Variants in ANKRD17 observed in about 807,000 individuals in gnomAD.
ANKRD17 encodes ankyrin repeat domain 17, also known as ankyrin repeat domain-containing protein 17.
In ANKRD17, 19 loss-of-function variants were observed where a neutral mutation model predicts 229.7. That is an observed-to-expected ratio of 0.08 (90% CI 0.06 to 0.12). The LOEUF is 0.12. Ranked by LOEUF, ANKRD17 falls within the 10% of genes least tolerant of loss-of-function variation. The pLI, the probability that ANKRD17 is intolerant of heterozygous loss-of-function variation, is 1.00. For synonymous variants in ANKRD17, 1,112 were observed against 1,146.1 expected (o/e 0.97, Z 0.60); for missense variants, 2,176 against 3,176.8 (o/e 0.68, Z 7.57).
intron 1 of ANKRD17, among the ~76,000 whole-genome samples, chr4:73,184,392 T>G (rs979434065): frequency 6.6e-6 from 1 of 151,408 alleles, no homozygotes; most frequent in Non-Finnish European, 1.5e-5. Context: ...AGCCAGGTGT[T>G]GTGGCAGGTG....
At chr4:73,258,145 G>C (rs1745643845) in intron 1 of ANKRD17, 131 bp downstream of exon 1, 1 of 1,483,990 alleles carries the variant, frequency 6.7e-7, no homozygotes, top group Non-Finnish European at 9.0e-7. Context: ...GGGAAGAAAG[G>C]GGGCAGTCGA....
At chr4:73,094,380 C>T (rs533582032) in intron 27 of ANKRD17, 152 bp from the exon 28 acceptor site, 9 of 694,622 alleles carry the variant, frequency 1.3e-5, no homozygotes, top group Non-Finnish European at 2.1e-5. Context: ...TCTAGATGAA[C>T]AGAGAAAAGG....
In ANKRD17 at chr4:73,077,212, T is replaced by C. The variant is rs1027922013; in HGVS notation, c.7588-108A>G. On this transcript the variant is annotated intron_variant, in intron 32 of 33. Transcript: ENST00000358602. ...TTGAAAGTTCACCTCATCCTGGGAA[T>C]GTGTAACTTATCTAAGAAATCTAAA... The C allele has an allele frequency of 7.4e-6, 10 of 1,343,396 alleles. No individual in the cohort carries two copies. The East Asian group carries it at 2.3e-4, about 31-fold the overall frequency. The allele number at this position is 1,343,396 out of a possible 1,614,324, so 83.2% of individuals were successfully genotyped here. A position where few individuals can be genotyped will look rare whatever the true frequency, so the allele number is the denominator to read the frequency against.
At chr4:73,221,978 G>A (rs537147396) in intron 1 of ANKRD17, among the ~76,000 whole-genome samples, 1 of 152,142 alleles carries the variant, frequency 6.6e-6, no homozygotes, top group Admixed American at 6.5e-5. Context: ...ACCCCGCCTA[G>A]CTTCCCTTTG....
chr4:73,076,260 T>A lies in ANKRD17; in HGVS notation c.7783A>T (p.Asn2595Tyr). The change falls in exon 34 of 34, where the codon AAC (asparagine) becomes TAC (tyrosine). Residue 2595 changes from asparagine to tyrosine, a missense_variant. Asn to Tyr is a moderately radical substitution (Grantham distance 143). Coordinates refer to ENST00000358602, the MANE Select transcript of ANKRD17 (RefSeq NM_032217.5). ...VWTGPWAPHM[N>Y]SVHMNQLG The stretch of plus-strand genomic sequence containing the variant: ...CCAAGCTGGTTCATATGCACACTGT[T>A]CATGTGAGGTGCCCAGGGTCCAGTC... 3 of 1,611,860 alleles carry A rather than the reference T, an allele frequency of 1.9e-6. No homozygotes were observed. Among genetic ancestry groups the A allele is most frequent in the Non-Finnish European group, 2.5e-6 (3 of 1,178,938 alleles).
chr4:73,130,676 C>T (rs764205837), intron 16 of ANKRD17, among the ~76,000 whole-genome samples: 2 of 150,322 alleles, frequency 1.3e-5, no homozygotes, highest in Non-Finnish European at 3.0e-5. Flanking sequence ...AAGACTTCAG[C>T]GGCCTCAGAA....
At chr4:73,114,162 G>A (rs1184995345) in intron 23 of ANKRD17, among the ~76,000 whole-genome samples, 1 of 152,136 alleles carries the variant, frequency 6.6e-6, no homozygotes, top group Non-Finnish European at 1.5e-5. Context: ...AGAAACTAAA[G>A]TCATTTATCC....
rs1470037041 is a variant in ANKRD17 at position 73,155,688 on chromosome 4, T to C, written c.943A>G (p.Lys315Glu). The part of the protein sequence containing the change: ...LMAAANGGHV[K>E]IVKLLLAHKA... ...TGAGCTAGCAGCAACTTCACAATTT[T>C]GACATGTCCTCCATTAGCAGCAGCC... Residue 315 changes from lysine (K) to glutamate (E), a missense_variant, in exon 5 of 34, where the codon AAA becomes GAA. Lys to Glu is a moderately conservative substitution (Grantham distance 56, BLOSUM62 1). Around this residue, in one of 18 missense-constraint regions of ANKRD17, gnomAD observed 184 missense variants for 357.8 expected, o/e 0.51. Transcript: ENST00000358602. The C allele has an allele frequency of 6.2e-7, 1 of 1,614,156 alleles. No individual in the cohort carries two copies. The highest frequency in any genetic ancestry group is 2.2e-5 in the East Asian group (1 of 44,868).
rs71655741 is a variant in ANKRD17, at chr4:73,191,341, ATGTGTGTGTGTGTGTGTG to A, written c.394-13826_394-13809del. 2.3e-4 allele frequency among the ~76,000 whole-genome samples: 29 copies of A among 125,286 alleles called. No individual in the cohort carries two copies. In the South Asian group the frequency reaches 6.2e-3, roughly 27 times the overall value. The allele number at this position is 125,286 out of a possible 152,430, so 82.2% of individuals were successfully genotyped here. A position where few individuals can be genotyped will look rare whatever the true frequency, so the allele number is the denominator to read the frequency against. On this transcript the variant is annotated intron_variant, in intron 1 of 33. Transcript: ENST00000358602. ...AATAGGCCCCTACCAAAAAATATAT[ATGTGTGTGTGTGTGTGTG>A]TGTGTGTGTGTGTGTGTGTGTGTGT...
Position 73,241,464 on chromosome 4 carries a change from C to T in ANKRD17, c.393+16812G>A, listed in dbSNP as rs575020509. ...CACATGCTACAACATAAATGAACCT[C>T]GAGAATAGTATATTAACTAACTAGT... is the stretch of plus-strand genomic sequence containing the variant. On this transcript the variant is annotated intron_variant, in intron 1 of 33. Transcript: ENST00000358602. 1.9e-4 allele frequency among the ~76,000 whole-genome samples: 29 copies of T among 152,024 alleles called. 1 individual carries two copies. The highest frequency in any genetic ancestry group is 7.7e-4 in the East Asian group (4 of 5,172).
intron 1 of ANKRD17, among the ~76,000 whole-genome samples, chr4:73,185,193 ATAAAAAATATT>A (rs1020110315): frequency 2.0e-4 from 30 of 151,620 alleles, no homozygotes; most frequent in African/African-American, 7.2e-4. Context: ...ATAATAATAA[ATAAAAAATATT>A]TAAAAAATAA....
intron 30 of ANKRD17, among the ~76,000 whole-genome samples, chr4:73,082,392 G>A (rs1333481753): frequency 6.6e-6 from 1 of 152,096 alleles, no homozygotes; most frequent in East Asian, 1.9e-4. Flanking sequence ...GGAGGCTGAG[G>A]CAAGAGGACT....
intron 1 of ANKRD17, among the ~76,000 whole-genome samples, chr4:73,220,073 T>C (rs1741643832): frequency 6.6e-6 from 1 of 152,168 alleles, no homozygotes; most frequent in South Asian, 2.1e-4. Flanking sequence ...CCCTTGGCCA[T>C]GTAAATTTGG....
chr4:73,123,245 A>G (rs1202467668), intron 18 of ANKRD17, among the ~76,000 whole-genome samples: 1 of 152,080 alleles, frequency 6.6e-6, no homozygotes, highest in Non-Finnish European at 1.5e-5. Flanking sequence ...CAAGCTAAAT[A>G]ATGATTGAAA....
At chr4:73,117,901 A>C (rs2148679739) in intron 22 of ANKRD17, among the ~76,000 whole-genome samples, 1 of 152,328 alleles carries the variant, frequency 6.6e-6, no homozygotes, top group Middle Eastern at 3.4e-3. Flanking sequence ...CTTTCACGGA[A>C]TTTGTATTTT....
At chr4:73,107,631 C>A (rs931200416) in intron 24 of ANKRD17, among the ~76,000 whole-genome samples, 1 of 152,060 alleles carries the variant, frequency 6.6e-6, no homozygotes, top group Non-Finnish European at 1.5e-5. Flanking sequence ...TAAGTGAACA[C>A]CTGAAGGACA....
rs1000827770 is a variant in ANKRD17, at chr4:73,076,019, A to C, written c.*212T>G. 4 of 425,564 alleles carry C rather than the reference A, an allele frequency of 9.4e-6. No individual in the cohort carries two copies. The highest frequency in any genetic ancestry group is 1.7e-5 in the Non-Finnish European group (4 of 234,254). 26.4% of individuals were successfully genotyped at this position (425,564 alleles called of 1,614,324 possible). On this transcript the variant is annotated 3_prime_UTR_variant, in exon 34 of 34. Coordinates refer to ENST00000358602, the MANE Select transcript of ANKRD17 (RefSeq NM_032217.5). Reference sequence around the variant, plus strand: ...AGAAAAAAAGAAAAATGATAAGAAAAATGCTAACTAAGGTAAAACGGATGA... The same window carrying C: ...AGAAAAAAAGAAAAATGATAAGAAACATGCTAACTAAGGTAAAACGGATGA...
intron 29 of ANKRD17, among the ~76,000 whole-genome samples, chr4:73,086,919 A>AAAAAAAAAAAATATATATATATATAT (rs1553911000): frequency 8.0e-5 from 1 of 12,462 alleles, no homozygotes. Context: ...AAAAAAAAAA[A>AAAAAAAAAAAATATATATATATATAT]ATATATATAT....
At chr4:73,191,724 A>T (rs1194443854) in intron 1 of ANKRD17, among the ~76,000 whole-genome samples, 2 of 152,014 alleles carry the variant, frequency 1.3e-5, no homozygotes, top group Non-Finnish European at 2.9e-5. Context: ...GGCAATTCAT[A>T]GGATAAATAC....
Sources: allele counts gnomAD v4.1 joint callset (sites outside exome capture counted in the v4.1 genomes callset), GRCh38; gene constraint gnomAD v4.1.1; regional missense constraint gnomAD v4.1.1; transcripts MANE v1.5; gene names NCBI Gene and HGNC (gene_info 2026-07-23, HGNC 2026-07-21).